PRUNE2: variants seen among roughly 807,000 people sequenced by gnomAD.
PRUNE2 encodes protein prune homolog 2.
PRUNE2 carries 164 observed loss-of-function variants against 252.0 expected under a neutral mutation model. The ratio of observed to expected loss-of-function variants is 0.65; its 90% CI spans 0.57 to 0.74. The LOEUF is 0.74. Ranked by LOEUF, PRUNE2 falls within the 30% of genes least tolerant of loss-of-function variation. PRUNE2 has a pLI of 0.00. For missense variants in PRUNE2, 3,495 were observed against 3,711.0 expected (o/e 0.94, Z 1.51); for synonymous variants, 1,292 against 1,350.2 (o/e 0.96, Z 0.94).
chr9:76,691,089 T>G (rs1438412733), intron 9 of PRUNE2, among the ~76,000 whole-genome samples: 1 of 152,206 alleles, frequency 6.6e-6, no homozygotes, highest in Non-Finnish European at 1.5e-5. Flanking sequence ...GATGAAGATT[T>G]TGGAATAGAC....
intron 16 of PRUNE2, chr9:76,627,898 T>A (rs1225239317): frequency 1.7e-5 from 7 of 415,022 alleles, no homozygotes; most frequent in Non-Finnish European, 2.9e-5. Flanking sequence ...CTGCTATGCT[T>A]GGCATATCAT....
chr9:76,629,661 T>C (rs1257828157), intron 15 of PRUNE2, among the ~76,000 whole-genome samples: 1 of 152,082 alleles, frequency 6.6e-6, no homozygotes, highest in Non-Finnish European at 1.5e-5. Flanking sequence ...ATGCAATACA[T>C]TGTTATTAGC....
chr9:76,897,685 G>C (rs1440771887), intron 1 of PRUNE2, among the ~76,000 whole-genome samples: 1 of 151,990 alleles, frequency 6.6e-6, no homozygotes, highest in Non-Finnish European at 1.5e-5. Flanking sequence ...CAAAGTGCTA[G>C]GATTACAGGC....
chr9:76,805,557 T>C (rs979053574), intron 6 of PRUNE2, among the ~76,000 whole-genome samples: 1 of 152,138 alleles, frequency 6.6e-6, no homozygotes, highest in Non-Finnish European at 1.5e-5. Context: ...ATAGTATCAC[T>C]GCACTGGAGC....
intron 10 of PRUNE2, among the ~76,000 whole-genome samples, chr9:76,654,512 T>C (rs1360301654): frequency 1.3e-5 from 2 of 152,222 alleles, no homozygotes; most frequent in South Asian, 2.1e-4. Flanking sequence ...AAAGGTTCTA[T>C]ATTTGGCTAT....
At chr9:76,863,053 A>C (rs1336566826) in intron 1 of PRUNE2, 1 of 152,202 alleles carries the variant, frequency 6.6e-6, no homozygotes, top group Non-Finnish European at 1.5e-5. Context: ...CTTAATACGG[A>C]TCTTCATACT....
In PRUNE2 at chr9:76,706,731, A is replaced by G. The variant is rs867183879; in HGVS notation, c.5543T>C (p.Leu1848Pro). 17 of 1,613,064 alleles carry G rather than the reference A, an allele frequency of 1.1e-5. No homozygotes were observed. The Middle Eastern group carries it at 2.5e-3, about 235-fold the overall frequency. ...RLIESPFERE[L>P]SDSSGVLEIN... is the part of the protein sequence containing the mutation. ...CTCCAACACACCACTGGAGTCAGAC[A>G]GCTCCCTTTCAAATGGACTTTCAAT... Residue 1848 changes from leucine to proline, a missense_variant, in exon 8 of 19, where the codon CTG becomes CCG. By Grantham distance (98) the Leu-to-Pro change is moderately conservative. Coordinates refer to ENST00000376718, the MANE Select transcript of PRUNE2 (RefSeq NM_015225.3).
chr9:76,855,212 C>T (rs1045467999), intron 1 of PRUNE2, among the ~76,000 whole-genome samples: 1 of 151,366 alleles, frequency 6.6e-6, no homozygotes, highest in African/African-American at 2.4e-5. Context: ...TTCCAAAGAA[C>T]CAACTGCTTC....
chr9:76,889,165 T>C (rs2062302433), intron 1 of PRUNE2, among the ~76,000 whole-genome samples: 1 of 152,080 alleles, frequency 6.6e-6, no homozygotes, highest in African/African-American at 2.4e-5. Flanking sequence ...TTAACGTATT[T>C]ATGGTCCTTC....
intron 9 of PRUNE2, among the ~76,000 whole-genome samples, chr9:76,671,793 A>G (rs2041536780): frequency 2.7e-5 from 4 of 150,834 alleles, no homozygotes. Context: ...TTTCATATCC[A>G]GCCAAACTAA....
chr9:76,763,175 G>T (rs980106158), intron 6 of PRUNE2, among the ~76,000 whole-genome samples: 1 of 152,178 alleles, frequency 6.6e-6, no homozygotes, highest in African/African-American at 2.4e-5. Context: ...AAGCCCAGGT[G>T]CTGCCTGCAC....
At chr9:76,730,960 A>C (rs920427976) in intron 6 of PRUNE2, among the ~76,000 whole-genome samples, 7 of 152,168 alleles carry the variant, frequency 4.6e-5, no homozygotes, top group African/African-American at 1.7e-4. Flanking sequence ...AAACATTCTT[A>C]ACATCTCTCT....
At chr9:76,797,433 A>T (rs115647877) in intron 6 of PRUNE2, among the ~76,000 whole-genome samples, 4,149 of 152,104 alleles carry the variant, frequency 0.027, 196 homozygotes, top group African/African-American at 0.094. Flanking sequence ...ACATATGCAT[A>T]TTTTACCAGA....
chr9:76,748,013 GTT>G (rs1430028841), intron 6 of PRUNE2, among the ~76,000 whole-genome samples: 1 of 151,970 alleles, frequency 6.6e-6, no homozygotes, highest in Non-Finnish European at 1.5e-5. Context: ...GGCCAGGCTG[GTT>G]TCAAACTCCC....
intron 9 of PRUNE2, chr9:76,691,954 C>A: frequency 1.5e-6 from 1 of 659,498 alleles, no homozygotes; most frequent in Non-Finnish European, 2.8e-6. Context: ...CTCTCATCCC[C>A]CTCCCGTCTC....
rs896696626 is a variant in PRUNE2, at chr9:76,823,550, C to A, written c.756+82G>T. On this transcript the variant is annotated intron_variant, in intron 6 of 18. Coordinates refer to ENST00000376718, the MANE Select transcript of PRUNE2 (RefSeq NM_015225.3). Reference sequence around the variant, plus strand: ...AGCAAAGGACTATCATGGACTTATCCAATGGAGAGAGTTACATTCCAGTTG... The same window carrying A: ...AGCAAAGGACTATCATGGACTTATCAAATGGAGAGAGTTACATTCCAGTTG... The A allele has an allele frequency of 4.8e-6, 4 of 826,724 alleles. No individual in the cohort carries two copies. The African/African-American group carries it at 6.7e-5, about 14-fold the overall frequency. The allele number at this position is 826,724 out of a possible 1,614,324, so 51.2% of individuals were successfully genotyped here. A position where few individuals can be genotyped will look rare whatever the true frequency, so the allele number is the denominator to read the frequency against.
intron 4 of PRUNE2, among the ~76,000 whole-genome samples, chr9:76,837,811 G>T (rs189788311): frequency 1.5e-4 from 22 of 143,500 alleles, no homozygotes; most frequent in East Asian, 1.4e-3. Context: ...TTGCTCTGTC[G>T]CCCAGGCTGG....
intron 9 of PRUNE2, among the ~76,000 whole-genome samples, chr9:76,665,673 G>A (rs2040003729): frequency 6.6e-6 from 1 of 152,178 alleles, no homozygotes; most frequent in African/African-American, 2.4e-5. Flanking sequence ...GACACGTGAA[G>A]GTGCCCTGCC....
chr9:76,840,924 T>C (rs533035708), intron 4 of PRUNE2, among the ~76,000 whole-genome samples: 266 of 151,314 alleles, frequency 1.8e-3, no homozygotes, highest in Non-Finnish European at 2.9e-3. Flanking sequence ...GAGGTTGCAG[T>C]GAGCCAAGAT....
Sources: gnomAD v4.1 joint callset for allele counts (sites outside exome capture counted in the v4.1 genomes callset) on GRCh38, gnomAD v4.1.1 for gene constraint, MANE v1.5 for transcripts, NCBI Gene and HGNC (gene_info 2026-07-23, HGNC 2026-07-21) for gene names.